Variants in SSBP2 observed in about 807,000 individuals in gnomAD.
The protein encoded by SSBP2 is single-stranded DNA-binding protein 2.
In SSBP2, 17 loss-of-function variants were observed where a neutral mutation model predicts 61.8. The observed-to-expected ratio is 0.28, with a 90% CI of 0.19 to 0.41. The LOEUF (loss-of-function observed/expected upper bound fraction) is 0.41, where lower values mean the gene tolerates loss of function less well. SSBP2 is among the 10% of genes least tolerant of loss of function. The pLI, the probability that SSBP2 is intolerant of heterozygous loss-of-function variation, is 1.00. For missense variants in SSBP2, 310 were observed against 458.7 expected (o/e 0.68, Z 2.96); for synonymous variants, 139 against 141.3 (o/e 0.98, Z 0.12).
Position 81,501,132 on chromosome 5 carries a change from A to G in SSBP2, c.373-11823T>C, listed in dbSNP as rs535977887. Among the ~76,000 whole-genome samples the G allele has an allele frequency of 2.1e-5, 3 of 142,522 alleles. No homozygotes were observed. In the East Asian group the frequency reaches 6.6e-4, roughly 31 times the overall value. 93.5% of individuals were successfully genotyped at this position (142,522 alleles called of 152,430 possible). A position where few individuals can be genotyped will look rare whatever the true frequency, so the allele number is the denominator to read the frequency against. ...AGGCTGAGGCAGGAGAATTGCTTGA[A>G]CCCGGGAGGCAGATGTTGTGGTGAG... On this transcript the variant is annotated intron_variant, in intron 5 of 16. Coordinates refer to ENST00000320672, the MANE Select transcript of SSBP2 (RefSeq NM_012446.5).
intron 4 of SSBP2, among the ~76,000 whole-genome samples, chr5:81,582,985 C>A (rs992866611): frequency 6.6e-6 from 1 of 152,072 alleles, no homozygotes; most frequent in Non-Finnish European, 1.5e-5. Context: ...CTTTGGGAGG[C>A]CAAGGCAGGA....
chr5:81,696,745 T>C (rs1753627264), intron 1 of SSBP2, among the ~76,000 whole-genome samples: 1 of 152,166 alleles, frequency 6.6e-6, no homozygotes, highest in South Asian at 2.1e-4. Flanking sequence ...ACACACTGGG[T>C]GGGCAGAGGG....
chr5:81,747,083 T>C (rs1757403541), intron 1 of SSBP2, among the ~76,000 whole-genome samples: 1 of 146,938 alleles, frequency 6.8e-6, no homozygotes. Context: ...CCAACTTTCC[T>C]AAAATTTCTG....
chr5:81,444,138 T>C (rs13184667), intron 12 of SSBP2, among the ~76,000 whole-genome samples: 31,982 of 152,186 alleles, frequency 0.21, 4,363 homozygotes, highest in Middle Eastern at 0.33. Context: ...TATATCATAA[T>C]GTTGAAAAAG....
chr5:81,513,313 A>T (rs1768762491), intron 5 of SSBP2, among the ~76,000 whole-genome samples: 1 of 152,134 alleles, frequency 6.6e-6, no homozygotes, highest in South Asian at 2.1e-4. Context: ...ATCTCTTTCC[A>T]GAACCTCATA....
chr5:81,546,160 T>C (rs1344587281), intron 4 of SSBP2, among the ~76,000 whole-genome samples: 1 of 152,228 alleles, frequency 6.6e-6, no homozygotes. Context: ...CATTTAATCA[T>C]TATAATAGCA....
chr5:81,674,375 G>C (rs1352396751), intron 1 of SSBP2, among the ~76,000 whole-genome samples: 1 of 152,116 alleles, frequency 6.6e-6, no homozygotes, highest in East Asian at 1.9e-4. Flanking sequence ...ATATAAGTCT[G>C]TGTGGTTCCC....
intron 1 of SSBP2, among the ~76,000 whole-genome samples, chr5:81,671,546 A>C (rs1751577733): frequency 6.6e-6 from 1 of 152,190 alleles, no homozygotes; most frequent in African/African-American, 2.4e-5. Context: ...AATTCTAAAC[A>C]TCAAATGTTT....
chr5:81,731,836 A>G (rs1756287761), intron 1 of SSBP2, among the ~76,000 whole-genome samples: 1 of 150,748 alleles, frequency 6.6e-6, no homozygotes, highest in Non-Finnish European at 1.5e-5. Flanking sequence ...AATAAATTAT[A>G]TTACAATAAT....
chr5:81,726,696 C>G (rs958303126), intron 1 of SSBP2, among the ~76,000 whole-genome samples: 1 of 152,092 alleles, frequency 6.6e-6, no homozygotes, highest in African/African-American at 2.4e-5. Flanking sequence ...AAGATAAATC[C>G]TCTCTTCCAG....
At chr5:81,445,138 T>TTATATACATATA (rs1763302255) in intron 12 of SSBP2, among the ~76,000 whole-genome samples, 1 of 33,896 alleles carries the variant, frequency 3.0e-5, no homozygotes, top group Non-Finnish European at 5.3e-5. Flanking sequence ...AAAAAAAATT[T>TTATATACATATA]TATATATATA....
At position 81,417,977 on chromosome 5, in the gene SSBP2, G is replaced by A. The variant is rs753253763; in HGVS notation, c.*2527C>T. 1.1e-4 allele frequency: 16 copies of A among 151,972 alleles called. No individual in the cohort carries two copies. The highest frequency in any genetic ancestry group is 1.3e-4 in the Non-Finnish European group (9 of 68,006). 9.4% of individuals were successfully genotyped at this position (151,972 alleles called of 1,614,324 possible). The stretch of plus-strand genomic sequence containing the variant: ...ATTCTCGTATTACCCCCAAAATAAG[G>A]GTAGATAAAATCATATTCATCATTC... On this transcript the variant is annotated 3_prime_UTR_variant, in exon 17 of 17. Transcript: ENST00000320672.
At chr5:81,694,114 A>T (rs1581363183) in intron 1 of SSBP2, among the ~76,000 whole-genome samples, 1 of 152,302 alleles carries the variant, frequency 6.6e-6, no homozygotes, top group Middle Eastern at 3.4e-3. Flanking sequence ...TATTTGTGGG[A>T]GCTAAAAATT....
At chr5:81,536,972 C>A (rs1770854500) in intron 4 of SSBP2, among the ~76,000 whole-genome samples, 1 of 150,432 alleles carries the variant, frequency 6.6e-6, no homozygotes, top group South Asian at 2.1e-4. Context: ...ACACTGCACT[C>A]CAGCTTGGGC....
chr5:81,704,944 A>G (rs1754263033), intron 1 of SSBP2, among the ~76,000 whole-genome samples: 2 of 152,166 alleles, frequency 1.3e-5, no homozygotes, highest in South Asian at 4.1e-4. Context: ...TGACATAAAA[A>G]TAATATATCA....
chr5:81,623,562 C>T (rs1746841418), intron 3 of SSBP2, among the ~76,000 whole-genome samples: 1 of 151,968 alleles, frequency 6.6e-6, no homozygotes, highest in East Asian at 1.9e-4. Flanking sequence ...GTCTCGATCT[C>T]CTGACCTCAT....
At chr5:81,704,624 C>T (rs1754229139) in intron 1 of SSBP2, among the ~76,000 whole-genome samples, 1 of 151,830 alleles carries the variant, frequency 6.6e-6, no homozygotes, top group African/African-American at 2.4e-5. Flanking sequence ...GGCGAAACCC[C>T]GTCTCTACTA....
chr5:81,531,337 A>C (rs1770392357), intron 4 of SSBP2, among the ~76,000 whole-genome samples: 1 of 152,034 alleles, frequency 6.6e-6, no homozygotes, highest in Non-Finnish European at 1.5e-5. Flanking sequence ...AAGATACTGA[A>C]TTTCAGTTAA....
rs187714831 is a variant in SSBP2 at position 81,440,703 on chromosome 5, T to C, written c.850-67A>G. The C allele has an allele frequency of 8.9e-5, 103 of 1,161,604 alleles. 2 individuals carry two copies. In the East Asian group the frequency reaches 2.4e-3, roughly 27 times the overall value. 72.0% of individuals were successfully genotyped at this position (1,161,604 alleles called of 1,614,324 possible). On this transcript the variant is annotated intron_variant, in intron 13 of 16. Coordinates refer to ENST00000320672, the MANE Select transcript of SSBP2 (RefSeq NM_012446.5). The stretch of plus-strand genomic sequence containing the variant: ...ACAATGGCTTATCTCAATTTTACAA[T>C]ATATTTAACATTACAAGACACTGCC...
Sources: allele counts gnomAD v4.1 joint callset (sites outside exome capture counted in the v4.1 genomes callset), GRCh38; gene constraint gnomAD v4.1.1; transcripts MANE v1.5; gene names NCBI Gene and HGNC (gene_info 2026-07-23, HGNC 2026-07-21).